Variants in TARBP1 observed in about 807,000 individuals in gnomAD.
The protein encoded by TARBP1 is tRNA guanosine 2 -O-methyltransferase TARBP1.
Under a neutral mutation model 178.6 loss-of-function variants are expected in TARBP1, and 144 were observed. The observed-to-expected ratio is 0.81, with a 90% CI of 0.70 to 0.93. The LOEUF (loss-of-function observed/expected upper bound fraction) is 0.93. Among genes scored for constraint, TARBP1 ranks in the 40% least tolerant of loss-of-function variants. TARBP1 has a pLI of 0.00. For synonymous variants in TARBP1, 787 were observed against 781.0 expected (o/e 1.01, Z -0.13); for missense variants, 2,067 against 2,011.7 (o/e 1.03, Z -0.53).
chr1:234,479,057 G>T lies in TARBP1; in HGVS notation c.47C>A (p.Pro16His). 1 of 1,539,882 alleles carries T rather than the reference G, an allele frequency of 6.5e-7. No homozygotes were observed. Among genetic ancestry groups the T allele is most frequent in the Middle Eastern group, 2.3e-4 (1 of 4,290 alleles). The change falls in exon 1 of 30, where the codon CCC (proline) becomes CAC (histidine). Residue 16 changes from proline (P) to histidine (H), a missense_variant. Transcript: ENST00000040877. Reference protein sequence around the residue: ...AEALLSQSRDPRALLGALCQG... With the variant: ...AEALLSQSRDHRALLGALCQG... ...GCACAGCGCCCCAAGCAGGGCCCGGGGGTCCCGGCTCTGCGAGAGCAGCGC... is the reference window on the plus strand; with the variant it reads ...GCACAGCGCCCCAAGCAGGGCCCGGTGGTCCCGGCTCTGCGAGAGCAGCGC...
At chr1:234,440,476 CAT>C (rs1461605761) in intron 12 of TARBP1, among the ~76,000 whole-genome samples, 1 of 151,686 alleles carries the variant, frequency 6.6e-6, no homozygotes, top group African/African-American at 2.4e-5. Context: ...AGAGAGTGCA[CAT>C]GAGTAAGCAC....
chr1:234,417,374 A>C (rs1312581149), intron 22 of TARBP1, among the ~76,000 whole-genome samples: 1 of 152,240 alleles, frequency 6.6e-6, no homozygotes, highest in Non-Finnish European at 1.5e-5. Context: ...CTTTCCTGAA[A>C]TAGGAAGAAA....
chr1:234,449,745 GT>G (rs1227895122), intron 10 of TARBP1, among the ~76,000 whole-genome samples: 5 of 152,242 alleles, frequency 3.3e-5, no homozygotes, highest in African/African-American at 1.2e-4. Flanking sequence ...ATGACTTTGT[GT>G]GAGACAAAGC....
At chr1:234,428,585 G>T (rs556275309) in intron 17 of TARBP1, among the ~76,000 whole-genome samples, 1 of 149,808 alleles carries the variant, frequency 6.7e-6, no homozygotes, top group African/African-American at 2.5e-5. Flanking sequence ...TTGCTCTGTT[G>T]CCCAGGCTGG....
chr1:234,455,572 A>G (rs1281680983), intron 9 of TARBP1, among the ~76,000 whole-genome samples: 1 of 152,240 alleles, frequency 6.6e-6, no homozygotes, highest in Non-Finnish European at 1.5e-5. Context: ...CATTTTAATG[A>G]AAACTTGCAA....
At chr1:234,458,942 A>G (rs1392717864) in intron 8 of TARBP1, among the ~76,000 whole-genome samples, 1 of 152,200 alleles carries the variant, frequency 6.6e-6, no homozygotes, top group Non-Finnish European at 1.5e-5. Context: ...AGACTCTCAG[A>G]AAGAAAGCAG....
chr1:234,404,173 C>T (rs1333194612), intron 24 of TARBP1, among the ~76,000 whole-genome samples: 5 of 152,096 alleles, frequency 3.3e-5, no homozygotes, highest in African/African-American at 1.2e-4. Flanking sequence ...TGTCTCAATA[C>T]CAAATAATCA....
At position 234,430,172 on chromosome 1, in the gene TARBP1, G is replaced by C. The variant is rs761996076; in HGVS notation, c.2524C>G (p.Leu842Val). Residue 842 changes from leucine to valine, a missense_variant, in exon 15 of 30, where the codon CTT (leucine) becomes GTT (valine). Leu to Val is a conservative substitution (Grantham distance 32, BLOSUM62 1). Coordinates refer to ENST00000040877, the MANE Select transcript of TARBP1 (RefSeq NM_005646.4). ...GTCTGATTGAGCTGAAGAGAGGAAA[G>C]GAAGCTTTCCAGGGGCCCAGCATGG... ...SLHAGPLESF[L>V]SSLQLNQTLQ... 27 of 1,614,084 alleles carry C rather than the reference G, an allele frequency of 1.7e-5. No homozygotes were observed. Among genetic ancestry groups the C allele is most frequent in the Non-Finnish European group, 2.2e-5 (26 of 1,180,024 alleles).
At chr1:234,450,952 A>T (rs1269947203) in intron 9 of TARBP1, among the ~76,000 whole-genome samples, 1 of 152,184 alleles carries the variant, frequency 6.6e-6, no homozygotes, top group African/African-American at 2.4e-5. Context: ...AACGCATTAC[A>T]TAAAACAACT....
In TARBP1 at chr1:234,478,852, C is replaced by T. The variant is rs1048313646; in HGVS notation, c.252G>A (p.Pro84=). The T allele has an allele frequency of 9.0e-5, 113 of 1,260,006 alleles. No homozygotes were observed. In the African/African-American group the frequency reaches 1.5e-3, roughly 17 times the overall value. 78.1% of individuals were successfully genotyped at this position (1,260,006 alleles called of 1,614,324 possible). ...RSLRGRPAGG[P]DPSLQPRHRR... is the part of the protein sequence containing the mutation. ...GGTGGCGAGGCTGCAGACTGGGGTC[C>T]GGGCCGCCCGCGGGGCGTCCGCGCA... Residue 84 remains proline (P), a synonymous_variant, in exon 1 of 30, where the codon CCG becomes CCA. Transcript: ENST00000040877.
At chr1:234,474,195 A>C (rs1317982510) in intron 1 of TARBP1, among the ~76,000 whole-genome samples, 2 of 151,744 alleles carry the variant, frequency 1.3e-5, no homozygotes, top group South Asian at 4.2e-4. Flanking sequence ...AGTGAGCTAT[A>C]ATCACGCCAC....
chr1:234,413,001 G>A (rs996812846), intron 22 of TARBP1, among the ~76,000 whole-genome samples: 2 of 152,058 alleles, frequency 1.3e-5, no homozygotes, highest in African/African-American at 2.4e-5. Flanking sequence ...GCGCCCCCTC[G>A]ACCCCCGACC....
chr1:234,392,005 TATAA>T lies in TARBP1; in HGVS notation c.4698-264_4698-261del, dbSNP rs1235812880. Among the ~76,000 whole-genome samples, 3 of 152,342 alleles carry T rather than the reference TATAA, an allele frequency of 2.0e-5. No homozygotes were observed. The East Asian group carries it at 5.8e-4, about 29-fold the overall frequency. On this transcript the variant is annotated intron_variant, in intron 29 of 29. Transcript: ENST00000040877. ...TAAAAGGAAAGCCCAGGGAGCTTCT[TATAA>T]ATGTTACAAATCAAAGAAAAGTGCA...
rs368521924 is a variant in TARBP1, at chr1:234,457,636, A to G, written c.1722+31T>C. 1.3e-5 allele frequency: 20 copies of G among 1,496,316 alleles called. No individual in the cohort carries two copies. In the African/African-American group the frequency reaches 2.5e-4, roughly 19 times the overall value. 92.7% of individuals were successfully genotyped at this position (1,496,316 alleles called of 1,614,324 possible). On this transcript the variant is annotated intron_variant, in intron 9 of 29. Transcript: ENST00000040877. ...AAGAAAACCATTTTTTATAGTTTTC[A>G]AAGACTTTATTAAATTATCTTTAAT... is the stretch of plus-strand genomic sequence containing the variant.
At position 234,478,994 on chromosome 1, in the gene TARBP1, C is replaced by G. The variant is rs1485840883; in HGVS notation, c.110G>C (p.Arg37Pro). 6 of 1,498,420 alleles carry G rather than the reference C, an allele frequency of 4.0e-6. No individual in the cohort carries two copies. Among genetic ancestry groups the G allele is most frequent in the Non-Finnish European group, 5.3e-6 (6 of 1,134,580 alleles). 92.8% of individuals were successfully genotyped at this position (1,498,420 alleles called of 1,614,324 possible). A position where few individuals can be genotyped will look rare whatever the true frequency, so the allele number is the denominator to read the frequency against. Residue 37 changes from arginine to proline, a missense_variant, in exon 1 of 30, where the codon CGC becomes CCC. Physicochemically the swap from Arg to Pro is moderately radical, Grantham distance 103. Transcript: ENST00000040877. ...GTCCTCGAGCCGCTGCAGAAGGAAG[C>G]GCAGCGTCTCCACGCGCTCCGCGGA... ...EASAERVETLRFLLQRLEDEE... is the reference protein window; with the variant it reads ...EASAERVETLPFLLQRLEDEE...
rs761616096 is a variant in TARBP1 at position 234,398,424 on chromosome 1, G to A, written c.4201C>T (p.Leu1401Phe). The A allele has an allele frequency of 6.0e-5, 96 of 1,611,266 alleles. 1 individual carries two copies. In the East Asian group the frequency reaches 1.9e-3, roughly 31 times the overall value. ...CAGTCACCTGGTTTTAGTTTACTAA[G>A]TTGAGTTTGAGAAAGGTACCACTGA... Reference protein sequence around the residue: ...GFQWYLSQTQLSKLKPGDWSQ... With the variant: ...GFQWYLSQTQFSKLKPGDWSQ... Residue 1401 changes from leucine (L) to phenylalanine (F), a missense_variant, in exon 26 of 30, where the codon CTT (leucine) becomes TTT (phenylalanine). Leu to Phe is a conservative substitution (Grantham distance 22). Coordinates refer to ENST00000040877, the MANE Select transcript of TARBP1 (RefSeq NM_005646.4).
At chr1:234,447,356 A>C (rs1391172054) in intron 11 of TARBP1, among the ~76,000 whole-genome samples, 1 of 151,326 alleles carries the variant, frequency 6.6e-6, no homozygotes, top group Non-Finnish European at 1.5e-5. Context: ...AAAAAAAAAA[A>C]AAAAAAACCT....
intron 20 of TARBP1, among the ~76,000 whole-genome samples, chr1:234,424,841 T>C (rs753944206): frequency 6.8e-4 from 104 of 152,046 alleles, no homozygotes; most frequent in Admixed American, 8.5e-4. Context: ...GAGGGTGGAT[T>C]ACCTGAGGTC....
At chr1:234,407,492 AT>A (rs1324964885) in intron 23 of TARBP1, 1 of 151,930 alleles carries the variant, frequency 6.6e-6, no homozygotes, top group East Asian at 1.9e-4. Context: ...ATGTACCACC[AT>A]GCCTGGCTAA....
Sources: allele counts gnomAD v4.1 joint callset (sites outside exome capture counted in the v4.1 genomes callset), GRCh38; gene constraint gnomAD v4.1.1; transcripts MANE v1.5; gene names NCBI Gene and HGNC (gene_info 2026-07-23, HGNC 2026-07-21).